Variants in ADRA1A observed in about 807,000 individuals in gnomAD.
ADRA1A encodes the protein adrenoceptor alpha 1A, also known as alpha-1A adrenergic receptor.
A neutral mutation model predicts 29.6 loss-of-function variants in ADRA1A; 31 were observed. The ratio of observed to expected loss-of-function variants is 1.05; its 90% CI spans 0.79 to 1.41. The LOEUF (loss-of-function observed/expected upper bound fraction) is 1.41. Ranked by LOEUF, ADRA1A falls within the 40% of genes most tolerant of loss-of-function variation. The pLI, the probability that ADRA1A is intolerant of heterozygous loss-of-function variation, is 0.00. For missense variants in ADRA1A, 619 were observed against 601.1 expected, an observed-to-expected ratio of 1.03 and a Z score of -0.31; for synonymous variants, 311 against 254.3, an observed-to-expected ratio of 1.22 and a Z score of -2.12.
At chr8:26,812,318 C>T (rs1169327139) in intron 2 of ADRA1A, among the ~76,000 whole-genome samples, 1 of 152,194 alleles carries the variant, frequency 6.6e-6, no homozygotes, top group Non-Finnish European at 1.5e-5. Context: ...CATATTCTGT[C>T]AACTCATAAC....
downstream of ADRA1A, among the ~76,000 whole-genome samples, chr8:26,766,768 T>A (rs1805815187): frequency 6.6e-6 from 1 of 152,138 alleles, no homozygotes; most frequent in Admixed American, 6.5e-5. Flanking sequence ...ATCAGATTTT[T>A]ATCTGTAAAA....
At chr8:26,856,239 G>A (rs922360405) in intron 2 of ADRA1A, among the ~76,000 whole-genome samples, 4 of 152,216 alleles carry the variant, frequency 2.6e-5, no homozygotes, top group Admixed American at 2.6e-4. Flanking sequence ...ATTCCAGAAC[G>A]ATGTGGCAGC....
intron 2 of ADRA1A, among the ~76,000 whole-genome samples, chr8:26,797,470 G>T (rs1219355488): frequency 1.3e-5 from 2 of 151,692 alleles, no homozygotes; most frequent in Middle Eastern, 3.4e-3. Context: ...CTAATTTTTT[G>T]ATTTTTTTTG....
In ADRA1A at chr8:26,865,237, G is replaced by A. The variant is rs1346823287; in HGVS notation, c.-268C>T. 2.3e-6 allele frequency: 3 copies of A among 1,315,494 alleles called. No individual in the cohort carries two copies. Among genetic ancestry groups the A allele is most frequent in the African/African-American group, 1.5e-5 (1 of 67,140 alleles). 81.5% of individuals were successfully genotyped at this position (1,315,494 alleles called of 1,614,324 possible). ...GCCGGGGACCCTCTCCACCTGCCGGGCTGGCCTAGCCCGGGACCCGGACTC... is the reference window on the plus strand; with the variant it reads ...GCCGGGGACCCTCTCCACCTGCCGGACTGGCCTAGCCCGGGACCCGGACTC... On this transcript the variant is annotated 5_prime_UTR_variant, in exon 2 of 3. Transcript: ENST00000380573. The surrounding 1 kb of genome is among the most constrained non-coding windows in gnomAD (Gnocchi z 7.6).
At chr8:26,780,164 T>C (rs1192192185) in intron 2 of ADRA1A, among the ~76,000 whole-genome samples, 1 of 152,278 alleles carries the variant, frequency 6.6e-6, no homozygotes, top group Non-Finnish European at 1.5e-5. Context: ...ACCTTCTTCA[T>C]TCCTCATTCA....
intron 2 of ADRA1A, among the ~76,000 whole-genome samples, chr8:26,776,347 C>A (rs572730823): frequency 3.0e-3 from 451 of 152,296 alleles, no homozygotes; most frequent in Non-Finnish European, 4.6e-3. Flanking sequence ...CCAGCTTCTG[C>A]GCTTCATTTT....
In ADRA1A at chr8:26,823,395, T is replaced by A. The variant is rs1810320700; in HGVS notation, c.883+40692A>T. Among the ~76,000 whole-genome samples, 1 of 152,134 alleles carries A rather than the reference T, an allele frequency of 6.6e-6. No individual in the cohort carries two copies. The highest frequency in any genetic ancestry group is 1.5e-5 in the Non-Finnish European group (1 of 68,022). On this transcript the variant is annotated intron_variant, in intron 2 of 2. Transcript: ENST00000380573. This position sits in a 1 kb window ranked among gnomAD's most constrained non-coding sequence, Gnocchi z 4.2. ...GGTCATGAATGGGAATGCACACCAGTGTAATATCTTTGTCCCTGGTGAGCC... is the reference window on the plus strand; with the variant it reads ...GGTCATGAATGGGAATGCACACCAGAGTAATATCTTTGTCCCTGGTGAGCC...
chr8:26,859,789 G>A, intron 2 of ADRA1A, among the ~76,000 whole-genome samples: 2 of 137,638 alleles, frequency 1.5e-5, no homozygotes, highest in South Asian at 4.6e-4. Flanking sequence ...TTTTTTTTTA[G>A]ACAGAATCTC....
downstream of ADRA1A, among the ~76,000 whole-genome samples, chr8:26,764,808 A>G (rs1324372642): frequency 2.0e-5 from 3 of 152,202 alleles, no homozygotes; most frequent in African/African-American, 7.2e-5. Context: ...GTTTGAATGC[A>G]CCTACAGGAT....
intron 2 of ADRA1A, among the ~76,000 whole-genome samples, chr8:26,835,135 C>A (rs2130668032): frequency 6.6e-6 from 1 of 152,294 alleles, no homozygotes; most frequent in Admixed American, 6.5e-5. Flanking sequence ...TGGCCTGACC[C>A]TTATCAACTG....
chr8:26,786,753 G>T (rs948460948), intron 2 of ADRA1A, among the ~76,000 whole-genome samples: 4 of 151,768 alleles, frequency 2.6e-5, no homozygotes, highest in African/African-American at 4.8e-5. Flanking sequence ...TTGGGGGGGG[G>T]GGTCTCTCAT....
At chr8:26,756,805 TTTAA>T in intron 2 of ADRA1A, 1 of 1,605,188 alleles carries the variant, frequency 6.2e-7, no homozygotes, top group Non-Finnish European at 8.5e-7. Context: ...TAGACTAACA[TTTAA>T]TTAATCATGC....
downstream of ADRA1A, among the ~76,000 whole-genome samples, chr8:26,755,198 T>TTTA (rs1035305584): frequency 2.6e-5 from 4 of 151,814 alleles, no homozygotes; most frequent in Non-Finnish European, 5.9e-5. Context: ...GACCTCCTTT[T>TTTA]TTTTTTTTTC....
chr8:26,832,235 T>C (rs905803607), intron 2 of ADRA1A, among the ~76,000 whole-genome samples: 1 of 152,184 alleles, frequency 6.6e-6, no homozygotes, highest in East Asian at 1.9e-4. Flanking sequence ...TCTCCTGCCT[T>C]GCTGGTGAAA....
At position 26,806,111 on chromosome 8, in the gene ADRA1A, G is replaced by A. The variant is rs73231557; in HGVS notation, c.884-35445C>T. 7.9e-5 allele frequency among the ~76,000 whole-genome samples: 12 copies of A among 152,052 alleles called. No homozygotes were observed. The South Asian group carries it at 1.7e-3, about 21-fold the overall frequency. ...AGCTTTACCTAATGACCGAACTCCC[G>A]AATGTTCCCATTCTGTCCTGCCTCT... is the stretch of plus-strand genomic sequence containing the variant. On this transcript the variant is annotated intron_variant, in intron 2 of 2. Coordinates refer to ENST00000380573, the MANE Select transcript of ADRA1A (RefSeq NM_000680.4). The surrounding 1 kb of genome is among the most constrained non-coding windows in gnomAD (Gnocchi z 4.6).
rs1043216572 is a variant in ADRA1A, at chr8:26,821,003, C to T, written c.883+43084G>A. Among the ~76,000 whole-genome samples, 1 of 152,096 alleles carries T rather than the reference C, an allele frequency of 6.6e-6. No individual in the cohort carries two copies. The highest frequency in any genetic ancestry group is 1.5e-5 in the Non-Finnish European group (1 of 68,018). On this transcript the variant is annotated intron_variant, in intron 2 of 2. Transcript: ENST00000380573. The surrounding 1 kb of genome is among the most constrained non-coding windows in gnomAD (Gnocchi z 5.6). ...CTCCTGGGTTCAAGCGATTCTCCTGCCTCAGCCTCCTAGAGTAGCTAGGAT... is the reference window on the plus strand; with the variant it reads ...CTCCTGGGTTCAAGCGATTCTCCTGTCTCAGCCTCCTAGAGTAGCTAGGAT...
chr8:26,850,025 C>CAAAAAAAAAAACACA (rs141672591), intron 2 of ADRA1A, among the ~76,000 whole-genome samples: 1 of 121,558 alleles, frequency 8.2e-6, no homozygotes, highest in Non-Finnish European at 1.7e-5. Flanking sequence ...GAGAGAAATG[C>CAAAAAAAAAAACACA]AAAAACAAAA....
In ADRA1A at chr8:26,769,268, A is replaced by G. The variant is rs1192300528; in HGVS notation, c.*881T>C. 5 of 985,342 alleles carry G rather than the reference A, an allele frequency of 5.1e-6. No homozygotes were observed. The African/African-American group carries it at 5.2e-5, about 10-fold the overall frequency. 61.0% of individuals were successfully genotyped at this position (985,342 alleles called of 1,614,324 possible). A position where few individuals can be genotyped will look rare whatever the true frequency, so the allele number is the denominator to read the frequency against. On this transcript the variant is annotated 3_prime_UTR_variant, in exon 3 of 3. Coordinates refer to ENST00000380573, the MANE Select transcript of ADRA1A (RefSeq NM_000680.4). ...GCTGTGCAGTAAGTGAACAGCCTCT[A>G]TCTTTGCAAGAAATTAACAGCCACA... is the stretch of plus-strand genomic sequence containing the variant.
chr8:26,767,159 A>G (rs1007351776), downstream of ADRA1A, among the ~76,000 whole-genome samples: 1 of 152,188 alleles, frequency 6.6e-6, no homozygotes, highest in Non-Finnish European at 1.5e-5. Flanking sequence ...AATAAACTCA[A>G]ACTTGCCCTA....
Sources: gnomAD v4.1 joint callset for allele counts (sites outside exome capture counted in the v4.1 genomes callset) on GRCh38, gnomAD v4.1.1 for gene constraint, Gnocchi (gnomAD v3.1) non-coding constraint, MANE v1.5 for transcripts, NCBI Gene and HGNC (gene_info 2026-07-23, HGNC 2026-07-21) for gene names.